SFMBT1: variants seen among roughly 807,000 people sequenced by gnomAD.
The protein encoded by SFMBT1 is scm-like with four MBT domains protein 1.
A neutral mutation model predicts 108.7 loss-of-function variants in SFMBT1; 32 were observed. The observed-to-expected ratio is 0.29, with a 90% CI of 0.22 to 0.40. The LOEUF (loss-of-function observed/expected upper bound fraction) is 0.40, where lower values mean the gene tolerates loss of function less well. Among genes scored for constraint, SFMBT1 ranks in the 10% least tolerant of loss-of-function variants. The probability of loss-of-function intolerance (pLI) is 1.00; values close to 1 mark genes in which losing one functional copy is unlikely to be tolerated. For synonymous variants in SFMBT1, 348 were observed against 369.5 expected, an observed-to-expected ratio of 0.94 and a Z score of 0.67; for missense variants, 816 against 1,059.6, an observed-to-expected ratio of 0.77 and a Z score of 3.19.
chr3:53,012,990 C>CA (rs151332802), intron 1 of SFMBT1, among the ~76,000 whole-genome samples: 1,821 of 151,376 alleles, frequency 0.012, 105 homozygotes, highest in African/African-American at 0.042. Context: ...AACAAAAATA[C>CA]AAAAAAACCC....
chr3:52,928,298 C>A lies in SFMBT1; in HGVS notation c.941G>T (p.Arg314Leu), dbSNP rs150560425. Reference protein sequence around the residue: ...KYFLVEMDDLRPENHARRSFV... With the variant: ...KYFLVEMDDLLPENHARRSFV... Reference sequence around the variant, plus strand: ...GGATCGCCGTGCGTGGTTCTCAGGACGCAAGTCATCCATTTCCACCAGAAA... The same window carrying A: ...GGATCGCCGTGCGTGGTTCTCAGGAAGCAAGTCATCCATTTCCACCAGAAA... The change falls in exon 9 of 21, where the codon CGT (arginine) becomes CTT (leucine). Residue 314 changes from arginine to leucine, a missense_variant. Arg to Leu is a moderately radical substitution (Grantham distance 102). Transcript: ENST00000394752. 2,440 of 1,613,966 alleles carry A rather than the reference C, an allele frequency of 1.5e-3. 27 individuals are homozygous for A. In the African/African-American group the frequency reaches 0.025, roughly 17 times the overall value.
At chr3:53,034,314 T>C (rs1699794543) in intron 1 of SFMBT1, among the ~76,000 whole-genome samples, 1 of 152,140 alleles carries the variant, frequency 6.6e-6, no homozygotes, top group Non-Finnish European at 1.5e-5. Context: ...TGGTAGCTCA[T>C]GCGTATAATC....
intron 11 of SFMBT1, among the ~76,000 whole-genome samples, chr3:52,921,266 A>T (rs1001762655): frequency 6.6e-6 from 1 of 152,206 alleles, no homozygotes; most frequent in Non-Finnish European, 1.5e-5. Flanking sequence ...GTACTCACGC[A>T]GCGCCTTGCA....
intron 4 of SFMBT1, among the ~76,000 whole-genome samples, chr3:52,941,593 CAAAA>C (rs145581859): frequency 0.022 from 1,425 of 64,026 alleles, 21 homozygotes; most frequent in East Asian, 0.11. Context: ...GACTCTGTTT[CAAAA>C]AAAAAAAAAA....
intron 6 of SFMBT1, 111 bp downstream of exon 6, chr3:52,931,951 G>A: frequency 8.1e-7 from 1 of 1,237,766 alleles, no homozygotes; most frequent in Non-Finnish European, 1.1e-6. Context: ...GCTCTATTAT[G>A]AGAACTAACA....
chr3:53,045,281 C>A (rs1423721984), intron 1 of SFMBT1: 1 of 147,388 alleles, frequency 6.8e-6, no homozygotes, highest in African/African-American at 2.4e-5. Flanking sequence ...AAGTTCCGAC[C>A]GGCCGCGCGC....
intron 12 of SFMBT1, among the ~76,000 whole-genome samples, chr3:52,919,666 C>T (rs1416822851): frequency 1.3e-5 from 2 of 152,196 alleles, no homozygotes; most frequent in African/African-American, 4.8e-5. Context: ...TGCAGAAAGA[C>T]TCTGGCTTCC....
At chr3:52,973,122 C>T (rs1023157216) in intron 1 of SFMBT1, among the ~76,000 whole-genome samples, 1 of 152,064 alleles carries the variant, frequency 6.6e-6, no homozygotes, top group Non-Finnish European at 1.5e-5. Flanking sequence ...AAGCCTGAGG[C>T]GGAAGGATCT....
chr3:52,922,640 G>T (rs745340115), intron 10 of SFMBT1, among the ~76,000 whole-genome samples: 9 of 152,202 alleles, frequency 5.9e-5, no homozygotes, highest in Non-Finnish European at 1.2e-4. Context: ...GGAGGTAGAG[G>T]AGACAGTCAA....
intron 5 of SFMBT1, among the ~76,000 whole-genome samples, chr3:52,934,221 A>G (rs2106799952): frequency 6.6e-6 from 1 of 152,334 alleles, no homozygotes; most frequent in Non-Finnish European, 1.5e-5. Flanking sequence ...GGGAACCTTC[A>G]TACATTGCAT....
chr3:52,950,026 G>C (rs1703517669), intron 3 of SFMBT1, among the ~76,000 whole-genome samples: 1 of 151,710 alleles, frequency 6.6e-6, no homozygotes, highest in African/African-American at 2.4e-5. Flanking sequence ...CATATAGTTG[G>C]GTCATATTTT....
intron 12 of SFMBT1, among the ~76,000 whole-genome samples, chr3:52,918,967 C>T (rs771414657): frequency 6.2e-4 from 95 of 152,060 alleles, no homozygotes; most frequent in Non-Finnish European, 9.4e-4. Flanking sequence ...GGCATTAGAT[C>T]GTGCAACCTA....
chr3:52,937,415 T>C (rs1703046882), intron 4 of SFMBT1, among the ~76,000 whole-genome samples: 1 of 152,188 alleles, frequency 6.6e-6, no homozygotes, highest in Admixed American at 6.5e-5. Flanking sequence ...TTTTTAGGAA[T>C]TGCTTTCTAA....
In SFMBT1 at chr3:53,001,386, G is replaced by A. The variant is rs1035655031; in HGVS notation, c.-130-32128C>T. Among the ~76,000 whole-genome samples, 6 of 149,506 alleles carry A rather than the reference G, an allele frequency of 4.0e-5. 2 individuals are homozygous for A. Among genetic ancestry groups the A allele is most frequent in the Non-Finnish European group, 7.5e-5 (5 of 66,750 alleles). ...TTCAAGGCTGCAGTGAGCCATGATC[G>A]TGTGTCACTTTAGCTTGCATGACAG... On this transcript the variant is annotated intron_variant, in intron 1 of 20. Coordinates refer to ENST00000394752, the MANE Select transcript of SFMBT1 (RefSeq NM_016329.4).
chr3:52,928,084 G>A, intron 9 of SFMBT1, 107 bp downstream of exon 9: 1 of 1,416,300 alleles, frequency 7.1e-7, no homozygotes, highest in Non-Finnish European at 9.6e-7. Context: ...GTTAGGAACA[G>A]GCTAGGGCAG....
At chr3:53,024,210 G>A (rs1048325563) in intron 1 of SFMBT1, among the ~76,000 whole-genome samples, 1 of 152,138 alleles carries the variant, frequency 6.6e-6, no homozygotes, top group Admixed American at 6.6e-5. Context: ...ACAGTCGGGT[G>A]GTGTGCTTGC....
At chr3:53,028,648 C>T (rs2106953818) in intron 1 of SFMBT1, among the ~76,000 whole-genome samples, 1 of 152,008 alleles carries the variant, frequency 6.6e-6, no homozygotes, top group East Asian at 1.9e-4. Context: ...TGTATGGTCA[C>T]TGCATTCCAG....
chr3:52,993,257 A>G (rs1351400446), intron 1 of SFMBT1, among the ~76,000 whole-genome samples: 3 of 150,106 alleles, frequency 2.0e-5, no homozygotes, highest in Non-Finnish European at 4.5e-5. Context: ...CTAAATGGAC[A>G]TGTTTAGTTA....
In SFMBT1 at chr3:53,034,711, C is replaced by T. The variant is rs1575452876; in HGVS notation, c.-131+11105G>A. ...CAGCATTTTGGGAGGCTGAGGCGGG[C>T]AGATCACTTGAGATCACGAGTTCGA... On this transcript the variant is annotated intron_variant, in intron 1 of 20. Transcript: ENST00000394752. Among the ~76,000 whole-genome samples the T allele has an allele frequency of 2.6e-5, 4 of 151,978 alleles. No individual in the cohort carries two copies. In the South Asian group the frequency reaches 8.3e-4, roughly 31 times the overall value.
Sources: allele counts gnomAD v4.1 joint callset (sites outside exome capture counted in the v4.1 genomes callset), GRCh38; gene constraint gnomAD v4.1.1; transcripts MANE v1.5; gene names NCBI Gene and HGNC (gene_info 2026-07-23, HGNC 2026-07-21).